The following ASIC2 variants were observed in gnomAD, a reference collection of about 807,000 sequenced individuals.
ASIC2 encodes acid sensing ion channel subunit 2.
In ASIC2, 25 loss-of-function variants were observed where a neutral mutation model predicts 57.3. That is an observed-to-expected ratio of 0.44 (90% CI 0.32 to 0.61). The LOEUF (loss-of-function observed/expected upper bound fraction) is 0.61. ASIC2 is among the 20% of genes least tolerant of loss of function. The probability of loss-of-function intolerance (pLI) is 0.06; values close to 1 mark genes in which losing one functional copy is unlikely to be tolerated. For synonymous variants in ASIC2, 319 were observed against 307.5 expected (o/e 1.04, Z -0.39); for missense variants, 641 against 738.1 (o/e 0.87, Z 1.52).
At position 34,156,643 on chromosome 17, in the gene ASIC2, G is replaced by A; in HGVS notation, c.-111C>T. 2.6e-6 allele frequency: 3 copies of A among 1,155,026 alleles called. No individual in the cohort carries two copies. Among genetic ancestry groups the A allele is most frequent in the Non-Finnish European group, 3.6e-6 (3 of 834,808 alleles). The allele number at this position is 1,155,026 out of a possible 1,614,324, so 71.5% of individuals were successfully genotyped here. A position where few individuals can be genotyped will look rare whatever the true frequency, so the allele number is the denominator to read the frequency against. On this transcript the variant is annotated 5_prime_UTR_variant, in exon 1 of 10. Coordinates refer to the ASIC2 transcript ENST00000359872. The surrounding 1 kb of genome is among the most constrained non-coding windows in gnomAD (Gnocchi z 4.4). ...TGACGTTCAGGGGAGAGAACGCAAG[G>A]CAAGCATCGCGCCAGATGCTGTGAG...
intron 3 of ASIC2, chr17:33,052,063 A>G (rs1436528994): frequency 1.3e-5 from 2 of 152,246 alleles, no homozygotes; most frequent in Non-Finnish European, 2.9e-5. Context: ...ACTGACTGCT[A>G]GAAACCAAAT....
At chr17:33,196,274 T>C (rs73982448) in intron 1 of ASIC2, among the ~76,000 whole-genome samples, 3,227 of 152,278 alleles carry the variant, frequency 0.021, 110 homozygotes, top group African/African-American at 0.073. Flanking sequence ...TTTAAAACTG[T>C]GCCCTTTCCA....
chr17:33,055,820 G>A (rs981413745), intron 3 of ASIC2, among the ~76,000 whole-genome samples: 4 of 152,066 alleles, frequency 2.6e-5, no homozygotes, highest in Non-Finnish European at 4.4e-5. Flanking sequence ...ATGTTCTCTC[G>A]GTCTTGTCTC....
At chr17:33,891,726 T>G (rs1425699285) in intron 1 of ASIC2, among the ~76,000 whole-genome samples, 2 of 152,234 alleles carry the variant, frequency 1.3e-5, no homozygotes, top group Non-Finnish European at 2.9e-5. Context: ...CAAACACTAA[T>G]CCTACTGCTG....
intron 1 of ASIC2, among the ~76,000 whole-genome samples, chr17:33,359,674 A>T (rs1908523099): frequency 6.6e-6 from 1 of 152,204 alleles, no homozygotes. Flanking sequence ...GAAATAAGAG[A>T]AATCATTTGG....
intron 1 of ASIC2, among the ~76,000 whole-genome samples, chr17:33,474,760 A>G (rs1913165508): frequency 1.3e-5 from 2 of 152,210 alleles, no homozygotes; most frequent in African/African-American, 4.8e-5. Flanking sequence ...GGCAGAGGGC[A>G]AGGTGACAGA....
At chr17:33,635,288 T>C (rs1461340737) in intron 1 of ASIC2, among the ~76,000 whole-genome samples, 3 of 152,244 alleles carry the variant, frequency 2.0e-5, no homozygotes, top group Non-Finnish European at 4.4e-5. Context: ...TCTCAGATAC[T>C]ATGCTAATTG....
intron 1 of ASIC2, among the ~76,000 whole-genome samples, chr17:33,759,577 G>A (rs2142111176): frequency 6.6e-6 from 1 of 152,326 alleles, no homozygotes; most frequent in South Asian, 2.1e-4. Flanking sequence ...CCATTTCAGA[G>A]ATCTTTGAGG....
At chr17:33,777,265 AAATG>A (rs5820064) in intron 1 of ASIC2, among the ~76,000 whole-genome samples, 11,812 of 152,286 alleles carry the variant, frequency 0.078, 514 homozygotes, top group East Asian at 0.22. Context: ...CTGAATCGTT[AAATG>A]AATGAATGAA....
At chr17:33,820,566 A>C (rs1394423258) in intron 1 of ASIC2, among the ~76,000 whole-genome samples, 1 of 152,212 alleles carries the variant, frequency 6.6e-6, no homozygotes, top group Non-Finnish European at 1.5e-5. Flanking sequence ...CAAGTCAGTC[A>C]ATAAGGTTTG....
chr17:33,041,088 G>T (rs1338806283), intron 3 of ASIC2, among the ~76,000 whole-genome samples: 2 of 152,132 alleles, frequency 1.3e-5, no homozygotes, highest in Non-Finnish European at 2.9e-5. Flanking sequence ...CACATCTCCA[G>T]AGCCCTGGAG....
At chr17:33,887,287 TC>T (rs1914851809) in intron 1 of ASIC2, among the ~76,000 whole-genome samples, 1 of 152,156 alleles carries the variant, frequency 6.6e-6, no homozygotes, top group Admixed American at 6.6e-5. Context: ...ATGATGAGGG[TC>T]TCTGTCCTAG....
intron 1 of ASIC2, among the ~76,000 whole-genome samples, chr17:33,939,935 G>A (rs376462409): frequency 2.6e-5 from 4 of 152,290 alleles, no homozygotes; most frequent in East Asian, 3.9e-4. Context: ...CCCAGAGGAA[G>A]GCCAGGGTAT....
chr17:33,704,475 G>T (rs1189748656), intron 1 of ASIC2, among the ~76,000 whole-genome samples: 4 of 152,148 alleles, frequency 2.6e-5, no homozygotes, highest in African/African-American at 9.7e-5. Flanking sequence ...AGCCCACCCT[G>T]AATTCTGTCT....
At chr17:34,014,374 C>T (rs1250235018) in intron 1 of ASIC2, among the ~76,000 whole-genome samples, 1 of 152,204 alleles carries the variant, frequency 6.6e-6, no homozygotes, top group Non-Finnish European at 1.5e-5. Flanking sequence ...CTCTTCCTCC[C>T]TCATCTGGCA....
intron 1 of ASIC2, among the ~76,000 whole-genome samples, chr17:33,149,706 G>A (rs1904709609): frequency 6.6e-6 from 1 of 151,998 alleles, no homozygotes; most frequent in South Asian, 2.1e-4. Flanking sequence ...AAAAAAATTT[G>A]CCAATTTGTT....
chr17:34,150,095 A>T (rs1345416277), intron 1 of ASIC2, among the ~76,000 whole-genome samples: 1 of 152,254 alleles, frequency 6.6e-6, no homozygotes, highest in African/African-American at 2.4e-5. Flanking sequence ...GACAACATAG[A>T]TGAACCTGGA....
chr17:34,009,436 C>A (rs1377518922), intron 1 of ASIC2, among the ~76,000 whole-genome samples: 2 of 151,988 alleles, frequency 1.3e-5, no homozygotes, highest in Non-Finnish European at 2.9e-5. Flanking sequence ...GAAGACTTAG[C>A]TCAAAAAAAG....
rs59456457 is a variant in ASIC2, at chr17:34,023,378, AACACAC to A, written c.555+132594_555+132599del. 7.0e-3 allele frequency among the ~76,000 whole-genome samples: 1,029 copies of A among 147,596 alleles called. 18 individuals are homozygous for A. Among genetic ancestry groups the A allele is most frequent in the African/African-American group, 0.024 (956 of 40,200 alleles). ...TTTCTCTCTCTCTCTCTCTGTCACA[AACACAC>A]ACACACACACACACACACACACTTC... On this transcript the variant is annotated intron_variant, in intron 1 of 9. Transcript: ENST00000359872.
Sources: allele counts gnomAD v4.1 joint callset (sites outside exome capture counted in the v4.1 genomes callset), GRCh38; gene constraint gnomAD v4.1.1; non-coding constraint Gnocchi (gnomAD v3.1); transcripts MANE v1.5; gene names NCBI Gene and HGNC (gene_info 2026-07-23, HGNC 2026-07-21).